SLC17A3: variants seen among roughly 807,000 people sequenced by gnomAD.
SLC17A3 encodes the protein solute carrier family 17 member 3.
SLC17A3 carries 61 observed loss-of-function variants against 60.3 expected under a neutral mutation model. That is an observed-to-expected ratio of 1.01 (90% CI 0.82 to 1.25). SLC17A3 has a LOEUF of 1.25. Ranked by LOEUF, SLC17A3 falls within the 50% of genes most tolerant of loss-of-function variation. SLC17A3 has a pLI of 0.00. For missense variants in SLC17A3, 624 were observed against 594.9 expected, an observed-to-expected ratio of 1.05 and a Z score of -0.51; for synonymous variants, 192 against 208.9, an observed-to-expected ratio of 0.92 and a Z score of 0.70.
intron 6 of SLC17A3, among the ~76,000 whole-genome samples, chr6:25,851,851 T>C (rs538624617): frequency 1.3e-5 from 2 of 152,266 alleles, no homozygotes; most frequent in South Asian, 2.1e-4. Flanking sequence ...TTGTAATTTA[T>C]TTTCAAAGGT....
rs540662075 is a variant in SLC17A3 at position 25,863,083 on chromosome 6, C to A, written c.92-639G>T. Among the ~76,000 whole-genome samples the A allele has an allele frequency of 3.9e-5, 6 of 152,090 alleles. No individual in the cohort carries two copies. In the South Asian group the frequency reaches 1.0e-3, roughly 26 times the overall value. ...TGGAAAAAGAAATGAGCACAGCATT[C>A]AAATAATCTGTATTTGTACAGCCAG... On this transcript the variant is annotated intron_variant, in intron 2 of 12. Transcript: ENST00000397060.
In SLC17A3 at chr6:25,845,203, G is replaced by T; in HGVS notation, c.*98C>A. 1 of 558,514 alleles carries T rather than the reference G, an allele frequency of 1.8e-6. No homozygotes were observed. The highest frequency in any genetic ancestry group is 2.9e-6 in the Non-Finnish European group (1 of 349,380). The allele number at this position is 558,514 out of a possible 1,614,324, so 34.6% of individuals were successfully genotyped here. Reference sequence around the variant, plus strand: ...GATCTCATAATTGAAAAGAGCCACAGGAAAAAAAAAATCTTTTCACTGGTA... The same window carrying T: ...GATCTCATAATTGAAAAGAGCCACATGAAAAAAAAAATCTTTTCACTGGTA... On this transcript the variant is annotated 3_prime_UTR_variant, in exon 13 of 13. Coordinates refer to ENST00000397060, the MANE Select transcript of SLC17A3 (RefSeq NM_001098486.2).
chr6:25,868,640 G>A (rs2151527863), intron 1 of SLC17A3, among the ~76,000 whole-genome samples: 1 of 152,036 alleles, frequency 6.6e-6, no homozygotes, highest in Admixed American at 6.6e-5. Flanking sequence ...TGGTGTGCCA[G>A]TTTATGAGCA....
intron 10 of SLC17A3, 52 bp downstream of exon 10, chr6:25,849,753 G>A: frequency 6.3e-7 from 1 of 1,591,732 alleles, no homozygotes; most frequent in Non-Finnish European, 8.6e-7. Context: ...AAAGCTGAAA[G>A]CTAAATCTTT....
rs539447900 is a variant in SLC17A3 at position 25,860,568 on chromosome 6, T to C, written c.625+1056A>G. On this transcript the variant is annotated intron_variant, in intron 5 of 12. Coordinates refer to ENST00000397060, the MANE Select transcript of SLC17A3 (RefSeq NM_001098486.2). ...TCAGACAATCATGGGCTCTATGCTC[T>C]CTAAACTAGGTTTGGAGGCCAGAAA... Among the ~76,000 whole-genome samples the C allele has an allele frequency of 3.9e-5, 6 of 152,244 alleles. No homozygotes were observed. In the East Asian group the frequency reaches 7.7e-4, roughly 20 times the overall value.
At chr6:25,845,331 T>G (rs746861922) in intron 12 of SLC17A3, 33 bp from the exon 13 acceptor site, 1 of 1,609,814 alleles carries the variant, frequency 6.2e-7, no homozygotes, top group South Asian at 1.1e-5. Flanking sequence ...AATTTAAAAC[T>G]TCAGCTGCTT....
intron 2 of SLC17A3, 61 bp downstream of exon 2, chr6:25,868,236 T>C: frequency 1.7e-6 from 2 of 1,145,674 alleles, no homozygotes; most frequent in South Asian, 1.2e-5. Flanking sequence ...TTTATAGTAA[T>C]ACGTTGACAA....
rs2151517042 is a variant in SLC17A3, at chr6:25,844,981, C to G, written c.*320G>C. The G allele has an allele frequency of 5.1e-6, 1 of 194,574 alleles. No homozygotes were observed. Among genetic ancestry groups the G allele is most frequent in the Middle Eastern group, 2.4e-3 (1 of 420 alleles). 12.1% of individuals were successfully genotyped at this position (194,574 alleles called of 1,614,324 possible). ...AATCATTGCCCTAGTGAGTTTGTCA[C>G]CCCGGATTAAAGGTTTTAAAACATT... On this transcript the variant is annotated 3_prime_UTR_variant, in exon 13 of 13. Transcript: ENST00000397060.
In SLC17A3 at chr6:25,850,160, G is replaced by A. The variant is rs1765248965; in HGVS notation, c.1011C>T (p.Ala337=). The A allele has an allele frequency of 5.0e-6, 8 of 1,613,400 alleles. No homozygotes were observed. The highest frequency in any genetic ancestry group is 1.3e-5 in the African/African-American group (1 of 74,834). Reference sequence around the variant, plus strand: ...TGACCCAGGCAACAATAAAAGGAAGGGCAGATAGAAGTCCATTCTAAAGAG... The same window carrying A: ...TGACCCAGGCAACAATAAAAGGAAGAGCAGATAGAAGTCCATTCTAAAGAG... ...VNIRDNGLLS[A]LPFIVAWVIG... The change falls in exon 9 of 13, where the codon GCC becomes GCT. Residue 337 remains alanine (A), a synonymous_variant. Transcript: ENST00000397060.
chr6:25,849,492 A>T, intron 10 of SLC17A3, 28 bp from the exon 11 acceptor site: 1 of 1,385,246 alleles, frequency 7.2e-7, no homozygotes. Context: ...GTTCCGGTCT[A>T]GATCCAGAGA....
At chr6:25,856,562 T>G (rs1765359050) in intron 5 of SLC17A3, among the ~76,000 whole-genome samples, 1 of 152,208 alleles carries the variant, frequency 6.6e-6, no homozygotes, top group Non-Finnish European at 1.5e-5. Flanking sequence ...AAAGTTGCCT[T>G]TCTGGCCGGG....
In SLC17A3 at chr6:25,861,976, A is replaced by C. The variant is rs761390290; in HGVS notation, c.357T>G (p.Val119=). The C allele has an allele frequency of 2.5e-6, 4 of 1,611,912 alleles. No homozygotes were observed. Among genetic ancestry groups the C allele is most frequent in the Non-Finnish European group, 2.5e-6 (3 of 1,179,084 alleles). ...CCATTGTCAGTATGCCACCATAGCC[A>C]ACAGCACCAAAGATGATGCCTTGGA... ...PQIQGIIFGA[V]GYGGILTMAP... Residue 119 remains valine (V), a synonymous_variant, in exon 4 of 13, where the codon GTT becomes GTG. Coordinates refer to ENST00000397060, the MANE Select transcript of SLC17A3 (RefSeq NM_001098486.2).
chr6:25,849,962 G>A lies in SLC17A3; in HGVS notation c.1124-10C>T. ...GAAGAGGGGAGACTTCCTAGGAAAT[G>A]AAGAAGAAACCAATTAAACAGTGAG... On this transcript the variant is annotated splice_polypyrimidine_tract_variant and intron_variant, in intron 9 of 12. Transcript: ENST00000397060. The A allele has an allele frequency of 6.2e-7, 1 of 1,614,050 alleles. No homozygotes were observed. Among genetic ancestry groups the A allele is most frequent in the East Asian group, 2.2e-5 (1 of 44,878 alleles).
intron 5 of SLC17A3, among the ~76,000 whole-genome samples, chr6:25,858,937 T>G (rs1178201795): frequency 6.6e-6 from 1 of 152,246 alleles, no homozygotes; most frequent in Non-Finnish European, 1.5e-5. Flanking sequence ...TGTTTTGTTT[T>G]TATGTTTTGG....
intron 12 of SLC17A3, 23 bp downstream of exon 12, chr6:25,845,357 T>C: frequency 1.9e-6 from 3 of 1,613,608 alleles, no homozygotes; most frequent in Non-Finnish European, 2.5e-6. Flanking sequence ...GCTATAACCA[T>C]GCATAAAATC....
intron 6 of SLC17A3, among the ~76,000 whole-genome samples, chr6:25,854,517 A>G (rs1205794369): frequency 2.0e-5 from 3 of 152,168 alleles, no homozygotes; most frequent in Non-Finnish European, 2.9e-5. Flanking sequence ...CTCTGCCCTC[A>G]AAGAGCTCAC....
chr6:25,861,829 G>A lies in SLC17A3; in HGVS notation c.504C>T (p.Leu168=). 6.2e-7 allele frequency: 1 copy of A among 1,613,606 alleles called. No homozygotes were observed. The highest frequency in any genetic ancestry group is 1.3e-5 in the African/African-American group (1 of 75,030). ...PLATDFGIVL[L]IVTRIVQGLS... is the part of the protein sequence containing the mutation. ...GGCCCTGGACTATTCGAGTTACAAT[G>A]AGCAAGACTATTCCAAAGTCAGTGG... The change falls in exon 4 of 13, where the codon CTC becomes CTT. Residue 168 remains leucine (L), a synonymous_variant. Coordinates refer to ENST00000397060, the MANE Select transcript of SLC17A3 (RefSeq NM_001098486.2).
chr6:25,849,651 C>A (rs1354113435), intron 10 of SLC17A3, among the ~76,000 whole-genome samples, 154 bp downstream of exon 10: 1 of 151,950 alleles, frequency 6.6e-6, no homozygotes, highest in Non-Finnish European at 1.5e-5. Context: ...AAATCAATAC[C>A]CCTTCCTCAA....
chr6:25,845,722 C>T (rs1339005083), intron 11 of SLC17A3, among the ~76,000 whole-genome samples: 3 of 152,154 alleles, frequency 2.0e-5, no homozygotes, highest in Non-Finnish European at 4.4e-5. Flanking sequence ...TGTGATTAAT[C>T]TACATAAATG....
Sources: gnomAD v4.1 joint callset for allele counts (sites outside exome capture counted in the v4.1 genomes callset) on GRCh38, gnomAD v4.1.1 for gene constraint, MANE v1.5 for transcripts, NCBI Gene and HGNC (gene_info 2026-07-23, HGNC 2026-07-21) for gene names.